The following MAST4 variants were observed in gnomAD, a reference collection of about 807,000 sequenced individuals.
MAST4 encodes microtubule-associated serine/threonine-protein kinase 4.
Under a neutral mutation model 162.7 loss-of-function variants are expected in MAST4, and 89 were observed. The observed-to-expected ratio is 0.55, with a 90% CI of 0.46 to 0.65. MAST4 has a LOEUF of 0.65. MAST4 is among the 30% of genes least tolerant of loss of function. The pLI is 0.00. For missense variants in MAST4, 3,153 were observed against 3,374.0 expected (o/e 0.93, Z 1.62); for synonymous variants, 1,479 against 1,361.1 (o/e 1.09, Z -1.91).
At chr5:67,084,108 C>T (rs1762966668) in intron 5 of MAST4, among the ~76,000 whole-genome samples, 1 of 152,178 alleles carries the variant, frequency 6.6e-6, no homozygotes, top group Non-Finnish European at 1.5e-5. Context: ...GAAATGGAGA[C>T]AATAGGTATC....
intron 1 of MAST4, among the ~76,000 whole-genome samples, chr5:66,692,959 A>C (rs2149498197): frequency 6.7e-6 from 1 of 150,176 alleles, no homozygotes; most frequent in East Asian, 2.0e-4. Context: ...TCATAAAAAT[A>C]TATTTCTCTG....
At chr5:66,739,381 A>G (rs1752351386) in intron 1 of MAST4, among the ~76,000 whole-genome samples, 1 of 152,086 alleles carries the variant, frequency 6.6e-6, no homozygotes, top group South Asian at 2.1e-4. Flanking sequence ...TTGGGAGAAA[A>G]AGAGGAGATG....
chr5:67,127,832 T>C (rs1269980842), intron 14 of MAST4, among the ~76,000 whole-genome samples: 1 of 152,232 alleles, frequency 6.6e-6, no homozygotes, highest in Non-Finnish European at 1.5e-5. Context: ...AATTTAAAAG[T>C]TGGTCAAAGT....
intron 1 of MAST4, among the ~76,000 whole-genome samples, chr5:66,600,116 T>C (rs958581984): frequency 7.9e-5 from 12 of 152,230 alleles, no homozygotes; most frequent in African/African-American, 2.4e-4. Flanking sequence ...TTGTATAAAC[T>C]TCCAAAGTCT....
intron 3 of MAST4, among the ~76,000 whole-genome samples, chr5:66,819,082 A>G (rs948890092): frequency 6.6e-6 from 1 of 152,162 alleles, no homozygotes; most frequent in Non-Finnish European, 1.5e-5. Context: ...CTCAGGGAGC[A>G]CTTCTCTTTC....
Position 66,759,853 on chromosome 5 carries a change from G to C in MAST4, c.508G>C (p.Ala170Pro). 2 of 1,613,856 alleles carry C rather than the reference G, an allele frequency of 1.2e-6. No homozygotes were observed. Among genetic ancestry groups the C allele is most frequent in the Non-Finnish European group, 1.7e-6 (2 of 1,179,838 alleles). Residue 170 changes from alanine to proline, a missense_variant, in exon 2 of 29, where the codon GCC (alanine) becomes CCC (proline). Transcript: ENST00000403625. ...GCTAAGGCGAGGGAGCCTGGGAGGAGCCCTGACTGGTGAGTCGCAGCGGCT... is the reference window on the plus strand; with the variant it reads ...GCTAAGGCGAGGGAGCCTGGGAGGACCCCTGACTGGTGAGTCGCAGCGGCT... The part of the protein sequence containing the change: ...RQLRRGSLGG[A>P]LTGRYLLPNP...
rs1172974217 is a variant in MAST4 at position 67,142,171 on chromosome 5, T to G, written c.2551T>G (p.Leu851Val). ...CTTCCGTTCTTTAGACTGGAACAGT[T>G]TGCTGAGACAGAAGGCAGAATTTAT... ...RFFRSLDWNS[L>V]LRQKAEFIPQ... The change falls in exon 20 of 29, where the codon TTG (leucine) becomes GTG (valine). Residue 851 changes from leucine to valine, a missense_variant. Coordinates refer to ENST00000403625, the MANE Select transcript of MAST4 (RefSeq NM_001164664.2). 1 of 1,613,868 alleles carries G rather than the reference T, an allele frequency of 6.2e-7. No homozygotes were observed. Among genetic ancestry groups the G allele is most frequent in the Non-Finnish European group, 8.5e-7 (1 of 1,179,848 alleles).
At chr5:67,044,827 A>G (rs1757174501) in intron 4 of MAST4, among the ~76,000 whole-genome samples, 1 of 152,126 alleles carries the variant, frequency 6.6e-6, no homozygotes, top group Non-Finnish European at 1.5e-5. Flanking sequence ...TCCAGCTTCT[A>G]CTTGACTTCG....
intron 3 of MAST4, among the ~76,000 whole-genome samples, chr5:66,887,352 A>T (rs1762105401): frequency 1.3e-5 from 2 of 152,160 alleles, no homozygotes; most frequent in African/African-American, 4.8e-5. Flanking sequence ...AGTTGTGTTG[A>T]TGTCTGGTGT....
intron 4 of MAST4, among the ~76,000 whole-genome samples, chr5:66,997,201 A>G (rs1385327434): frequency 6.6e-6 from 1 of 152,032 alleles, no homozygotes; most frequent in Non-Finnish European, 1.5e-5. Flanking sequence ...ATACATTTAT[A>G]TATGTGTTTG....
chr5:67,073,815 T>C (rs990630349), intron 5 of MAST4, among the ~76,000 whole-genome samples: 1 of 152,230 alleles, frequency 6.6e-6, no homozygotes, highest in Non-Finnish European at 1.5e-5. Context: ...ATACTATATA[T>C]ACTAAAATGA....
chr5:66,803,080 C>T (rs1755999965), intron 3 of MAST4, among the ~76,000 whole-genome samples: 1 of 152,104 alleles, frequency 6.6e-6, no homozygotes, highest in Admixed American at 6.6e-5. Flanking sequence ...TGTCCCTTAA[C>T]CTCGTGAGGC....
intron 1 of MAST4, among the ~76,000 whole-genome samples, chr5:66,700,135 G>A (rs1019162451): frequency 1.3e-5 from 2 of 152,216 alleles, no homozygotes; most frequent in Non-Finnish European, 2.9e-5. Context: ...CATAATAAGG[G>A]TGTTATGGCC....
At chr5:66,993,930 C>CCT (rs1554078125) in intron 4 of MAST4, among the ~76,000 whole-genome samples, 1 of 80,434 alleles carries the variant, frequency 1.2e-5, no homozygotes, top group Non-Finnish European at 2.6e-5. Flanking sequence ...ACCCCCCCCC[C>CCT]CACCCCACCA....
intron 23 of MAST4, among the ~76,000 whole-genome samples, chr5:67,147,447 G>A (rs1230737005): frequency 1.3e-5 from 2 of 152,250 alleles, no homozygotes; most frequent in African/African-American, 2.4e-5. Flanking sequence ...AGAGGCAAGA[G>A]GGAGAGGTGA....
intron 14 of MAST4, among the ~76,000 whole-genome samples, chr5:67,128,813 G>A (rs1020505875): frequency 6.6e-6 from 1 of 152,154 alleles, no homozygotes; most frequent in African/African-American, 2.4e-5. Flanking sequence ...GTTTTATAAG[G>A]TGGGCACTGG....
At chr5:67,001,151 G>A (rs965561756) in intron 4 of MAST4, among the ~76,000 whole-genome samples, 2 of 152,124 alleles carry the variant, frequency 1.3e-5, no homozygotes, top group Non-Finnish European at 2.9e-5. Context: ...TACTGCAGTC[G>A]CAACTATAGT....
chr5:67,152,539 T>C, intron 24 of MAST4, 98 bp from the exon 25 acceptor site: 1 of 872,184 alleles, frequency 1.1e-6, no homozygotes. Flanking sequence ...GTGTTGTGAC[T>C]ATGCCCCCAG....
chr5:67,132,763 T>C (rs1315827094), intron 16 of MAST4, among the ~76,000 whole-genome samples: 1 of 151,980 alleles, frequency 6.6e-6, no homozygotes, highest in Non-Finnish European at 1.5e-5. Flanking sequence ...TGCTGAAAAG[T>C]TTATGATAAA....
Sources: allele counts gnomAD v4.1 joint callset (sites outside exome capture counted in the v4.1 genomes callset), GRCh38; gene constraint gnomAD v4.1.1; transcripts MANE v1.5; gene names NCBI Gene and HGNC (gene_info 2026-07-23, HGNC 2026-07-21).